Variants in FMN1 observed in about 807,000 individuals in gnomAD.
FMN1 encodes the protein formin 1, also known as formin-1.
Under a neutral mutation model 132.4 loss-of-function variants are expected in FMN1, and 110 were observed. The ratio of observed to expected loss-of-function variants is 0.83; its 90% confidence interval spans 0.71 to 0.97. The LOEUF (loss-of-function observed/expected upper bound fraction) is 0.97. Ranked by LOEUF, FMN1 falls within the 50% of genes least tolerant of loss-of-function variation. FMN1 has a pLI of 0.00. For synonymous variants in FMN1, 722 were observed against 651.7 expected (o/e 1.11, Z -1.64); for missense variants, 1,792 against 1,705.3 (o/e 1.05, Z -0.90).
intron 16 of FMN1, among the ~76,000 whole-genome samples, chr15:32,875,403 T>TA (rs1259430814): frequency 2.6e-5 from 4 of 152,244 alleles, no homozygotes; most frequent in Admixed American, 6.5e-5. Context: ...TAATAAAAGC[T>TA]AAAAAAATCA....
chr15:32,910,593 A>G (rs576396425), intron 10 of FMN1, 58 bp from the exon 11 acceptor site: 6 of 1,248,796 alleles, frequency 4.8e-6, no homozygotes, highest in Non-Finnish European at 6.9e-6. Flanking sequence ...CCCTGCACCA[A>G]TGTTTACTCC....
At position 33,154,694 on chromosome 15, in the gene FMN1, A is replaced by C. The variant is rs1009899916; in HGVS notation, c.221T>G (p.Phe74Cys). 2.0e-6 allele frequency: 3 copies of C among 1,536,036 alleles called. No individual in the cohort carries two copies. The highest frequency in any genetic ancestry group is 2.6e-6 in the Non-Finnish European group (3 of 1,146,884). Reference protein sequence around the residue: ...QEPDEHPGDIFFKQTPTKDIL... With the variant: ...QEPDEHPGDICFKQTPTKDIL... ...GTCTTTCGTGGGAGTCTGCTTGAAA[A>C]ATATGTCGCCTGGATGTTCGTCCGG... is the stretch of plus-strand genomic sequence containing the variant. Residue 74 changes from phenylalanine to cysteine, a missense_variant, in exon 4 of 21, where the codon TTT becomes TGT. Transcript: ENST00000616417.
At chr15:32,838,277 G>C (rs1406507692) in intron 17 of FMN1, among the ~76,000 whole-genome samples, 1 of 150,908 alleles carries the variant, frequency 6.6e-6, no homozygotes, top group African/African-American at 2.4e-5. Context: ...CGGAAGGGGA[G>C]AAAGAAAAAA....
chr15:32,840,454 C>A (rs1410297000), intron 17 of FMN1, among the ~76,000 whole-genome samples: 1 of 152,196 alleles, frequency 6.6e-6, no homozygotes, highest in East Asian at 1.9e-4. Context: ...CAAGATACTA[C>A]CGAGGACCTA....
intron 6 of FMN1, among the ~76,000 whole-genome samples, chr15:33,020,504 G>A (rs998270085): frequency 3.9e-5 from 6 of 152,040 alleles, no homozygotes; most frequent in Admixed American, 2.0e-4. Flanking sequence ...AAAAGTAGCC[G>A]GGCGTGGTGG....
At chr15:32,914,616 A>C (rs13379651) in intron 10 of FMN1, among the ~76,000 whole-genome samples, 38,558 of 152,000 alleles carry the variant, frequency 0.25, 5,193 homozygotes, top group Non-Finnish European at 0.31. Flanking sequence ...TACACACACA[A>C]AAAGTCAAAA....
chr15:32,858,057 A>G (rs2059177001), intron 16 of FMN1, among the ~76,000 whole-genome samples: 2 of 152,244 alleles, frequency 1.3e-5, no homozygotes, highest in Admixed American at 6.5e-5. Context: ...GGATTTCACC[A>G]TAAAGATATC....
At chr15:33,182,911 T>G (rs2140345007) in intron 2 of FMN1, among the ~76,000 whole-genome samples, 1 of 152,364 alleles carries the variant, frequency 6.6e-6, no homozygotes, top group South Asian at 2.1e-4. Flanking sequence ...ATTATTTCAT[T>G]TAATTTCCCC....
chr15:33,038,244 TA>T (rs2036273263), intron 6 of FMN1, among the ~76,000 whole-genome samples: 1 of 152,166 alleles, frequency 6.6e-6, no homozygotes, highest in African/African-American at 2.4e-5. Context: ...TAAAATAAAA[TA>T]AAAAATAAAT....
chr15:32,779,727 C>G (rs182530663), intron 19 of FMN1, among the ~76,000 whole-genome samples: 2 of 152,288 alleles, frequency 1.3e-5, no homozygotes, highest in Admixed American at 1.3e-4. Context: ...GTTCTACCTA[C>G]TGTATTTGAA....
chr15:33,058,806 G>A (rs765764428), intron 6 of FMN1, among the ~76,000 whole-genome samples: 7 of 152,164 alleles, frequency 4.6e-5, no homozygotes, highest in Non-Finnish European at 7.3e-5. Context: ...CGGGGTAGAT[G>A]ATGCGGTGTT....
chr15:32,964,189 T>A lies in FMN1; in HGVS notation c.3056A>T (p.Glu1019Val). 1 of 1,612,864 alleles carries A rather than the reference T, an allele frequency of 6.2e-7. No homozygotes were observed. Among genetic ancestry groups the A allele is most frequent in the Non-Finnish European group, 8.5e-7 (1 of 1,178,996 alleles). Reference protein sequence around the residue: ...EPDIRDPSEFEYLFSKDTTQQ... With the variant: ...EPDIRDPSEFVYLFSKDTTQQ... ...AGTTGTGTCTTTGGAGAATAAATAC[T>A]CAAATTCACTGGGGTCCCGAATGTC... is the stretch of plus-strand genomic sequence containing the variant. The change falls in exon 9 of 21, where the codon GAG becomes GTG. Residue 1019 changes from glutamate to valine, a missense_variant. By Grantham distance (121) the Glu-to-Val change is moderately radical. Coordinates refer to ENST00000616417, the MANE Select transcript of FMN1 (RefSeq NM_001277313.2).
rs143753349 is a variant in FMN1 at position 32,831,287 on chromosome 15, C to T, written c.3928+25728G>A. The stretch of plus-strand genomic sequence containing the variant: ...AGGCTGGAGTGCAGTGGTATGATCT[C>T]GGCTACTGCAACCTCCACCTCCTGG... On this transcript the variant is annotated intron_variant, in intron 17 of 20. Coordinates refer to ENST00000616417, the MANE Select transcript of FMN1 (RefSeq NM_001277313.2). Among the ~76,000 whole-genome samples the T allele has an allele frequency of 5.0e-3, 754 of 151,674 alleles. 10 individuals are homozygous for T. The highest frequency in any genetic ancestry group is 0.017 in the African/African-American group (713 of 41,282).
chr15:33,125,509 C>T (rs974231055), intron 4 of FMN1, among the ~76,000 whole-genome samples: 2 of 151,880 alleles, frequency 1.3e-5, no homozygotes, highest in African/African-American at 4.8e-5. Flanking sequence ...TCAAATGAAC[C>T]CTTCTCAAAT....
rs1158277556 is a variant in FMN1 at position 32,963,993 on chromosome 15, T to C, written c.3138+114A>G. ...TGATACACACACATATATGTATAGG[T>C]ATGTGTGTGTGTGTATATACGATAC... is the stretch of plus-strand genomic sequence containing the variant. On this transcript the variant is annotated intron_variant, in intron 9 of 20. Transcript: ENST00000616417. 4 of 461,992 alleles carry C rather than the reference T, an allele frequency of 8.7e-6. No homozygotes were observed. The African/African-American group carries it at 1.2e-4, about 14-fold the overall frequency. 28.6% of individuals were successfully genotyped at this position (461,992 alleles called of 1,614,324 possible). A position where few individuals can be genotyped will look rare whatever the true frequency, so the allele number is the denominator to read the frequency against.
chr15:33,125,434 T>C (rs1962962709), intron 4 of FMN1, among the ~76,000 whole-genome samples: 1 of 136,692 alleles, frequency 7.3e-6, no homozygotes, highest in Non-Finnish European at 1.6e-5. Context: ...ACTAAGACAA[T>C]ATGTGTAGAA....
intron 4 of FMN1, among the ~76,000 whole-genome samples, chr15:33,098,505 CA>C (rs751812978): frequency 2.0e-5 from 3 of 152,162 alleles, no homozygotes; most frequent in Non-Finnish European, 2.9e-5. Flanking sequence ...AACTGGGAGA[CA>C]ATGACACAGG....
rs953542123 is a variant in FMN1, at chr15:32,942,248, T to C, written c.3139-15987A>G. On this transcript the variant is annotated intron_variant, in intron 9 of 20. Coordinates refer to ENST00000616417, the MANE Select transcript of FMN1 (RefSeq NM_001277313.2). ...ACAAATTATTATTATTCCTCACATATGTGAATTTTTTTAAAGCCTGCCTCT... is the reference window on the plus strand; with the variant it reads ...ACAAATTATTATTATTCCTCACATACGTGAATTTTTTTAAAGCCTGCCTCT... Among the ~76,000 whole-genome samples, 3 of 152,302 alleles carry C rather than the reference T, an allele frequency of 2.0e-5. No individual in the cohort carries two copies. In the South Asian group the frequency reaches 6.2e-4, roughly 32 times the overall value.
At position 32,915,758 on chromosome 15, in the gene FMN1, T is replaced by C. The variant is rs191984886; in HGVS notation, c.3227-5223A>G. ...ACAAAGGGGAGACCCCAACAGCTCATTGCTACTGCAATATCAATCACTGCT... is the reference window on the plus strand; with the variant it reads ...ACAAAGGGGAGACCCCAACAGCTCACTGCTACTGCAATATCAATCACTGCT... On this transcript the variant is annotated intron_variant, in intron 10 of 20. Transcript: ENST00000616417. Among the ~76,000 whole-genome samples the C allele has an allele frequency of 2.2e-3, 331 of 152,372 alleles. 1 individual carries two copies. Among genetic ancestry groups the C allele is most frequent in the Non-Finnish European group, 3.9e-3 (262 of 68,030 alleles).
Sources: gnomAD v4.1 joint callset for allele counts (sites outside exome capture counted in the v4.1 genomes callset) on GRCh38, gnomAD v4.1.1 for gene constraint, MANE v1.5 for transcripts, NCBI Gene and HGNC (gene_info 2026-07-23, HGNC 2026-07-21) for gene names.